SORCS1: variants seen among roughly 807,000 people sequenced by gnomAD.
SORCS1 encodes the protein VPS10 domain-containing receptor SorCS1.
A neutral mutation model predicts 146.1 loss-of-function variants in SORCS1; 60 were observed. The observed-to-expected ratio is 0.41, with a 90% confidence interval of 0.33 to 0.51. The LOEUF is 0.51. SORCS1 is among the 20% of genes least tolerant of loss of function. SORCS1 has a pLI of 0.21. For missense variants in SORCS1, 1,352 were observed against 1,487.6 expected, an observed-to-expected ratio of 0.91 and a Z score of 1.50; for synonymous variants, 637 against 584.0, an observed-to-expected ratio of 1.09 and a Z score of -1.31.
intron 2 of SORCS1, among the ~76,000 whole-genome samples, chr10:106,914,277 A>G (rs1056483871): frequency 6.6e-6 from 1 of 152,176 alleles, no homozygotes; most frequent in Non-Finnish European, 1.5e-5. Flanking sequence ...TGGGACAGTA[A>G]TAAACTAAAA....
intron 1 of SORCS1, among the ~76,000 whole-genome samples, chr10:107,107,463 G>C (rs183502261): frequency 2.6e-5 from 4 of 152,320 alleles, no homozygotes; most frequent in Admixed American, 2.6e-4. Context: ...TGTGAGCAAG[G>C]CAATCGGATA....
chr10:106,889,621 C>T (rs530160270), intron 2 of SORCS1, among the ~76,000 whole-genome samples: 3 of 152,010 alleles, frequency 2.0e-5, no homozygotes, highest in Admixed American at 1.3e-4. Context: ...AAAAATTAGC[C>T]GGGCACAGTG....
intron 24 of SORCS1, among the ~76,000 whole-genome samples, 180 bp from the exon 25 acceptor site, chr10:106,579,654 A>G (rs1438568292): frequency 6.8e-6 from 1 of 146,992 alleles, no homozygotes; most frequent in African/African-American, 2.5e-5. Flanking sequence ...CCCTACTCCC[A>G]CCCCAAATGT....
chr10:106,611,391 G>A (rs1056022362), intron 22 of SORCS1, among the ~76,000 whole-genome samples: 3 of 152,056 alleles, frequency 2.0e-5, no homozygotes, highest in Non-Finnish European at 4.4e-5. Flanking sequence ...TTACAGTACA[G>A]AAATTTCTTT....
At chr10:106,963,163 T>C (rs1955334525) in intron 1 of SORCS1, among the ~76,000 whole-genome samples, 1 of 143,496 alleles carries the variant, frequency 7.0e-6, no homozygotes. Context: ...TCGCCCAGGC[T>C]GGAGTGCAGT....
chr10:106,636,510 G>C (rs1848731954), intron 18 of SORCS1, among the ~76,000 whole-genome samples: 1 of 152,066 alleles, frequency 6.6e-6, no homozygotes, highest in Non-Finnish European at 1.5e-5. Flanking sequence ...GCTAGGGAAG[G>C]CCTCAGGAAA....
chr10:107,159,073 C>A (rs1469925653), intron 1 of SORCS1, among the ~76,000 whole-genome samples: 1 of 151,972 alleles, frequency 6.6e-6, no homozygotes, highest in South Asian at 2.1e-4. Flanking sequence ...TACAATAAAC[C>A]CAATAAACTA....
intron 1 of SORCS1, among the ~76,000 whole-genome samples, chr10:107,142,837 G>A: frequency 6.6e-6 from 1 of 152,328 alleles, no homozygotes; most frequent in South Asian, 2.1e-4. Context: ...ATAAGCCAGA[G>A]AACTAAAATT....
chr10:106,764,749 C>T (rs1389764770), intron 4 of SORCS1, among the ~76,000 whole-genome samples: 3 of 152,036 alleles, frequency 2.0e-5, no homozygotes, highest in East Asian at 1.9e-4. Context: ...CTTGGCCGGG[C>T]GCGGTGGCTC....
chr10:107,082,544 C>T (rs1025164566), intron 1 of SORCS1, among the ~76,000 whole-genome samples: 2 of 151,846 alleles, frequency 1.3e-5, no homozygotes, highest in African/African-American at 4.8e-5. Context: ...GTGGTGTGAT[C>T]TCAGCTCACT....
intron 3 of SORCS1, among the ~76,000 whole-genome samples, chr10:106,787,044 A>G (rs2136470976): frequency 6.6e-6 from 1 of 152,360 alleles, no homozygotes; most frequent in African/African-American, 2.4e-5. Context: ...TACATAAATT[A>G]CCCAGATTAA....
intron 2 of SORCS1, among the ~76,000 whole-genome samples, chr10:106,923,522 T>TTC (rs1952829220): frequency 6.6e-6 from 1 of 152,166 alleles, no homozygotes; most frequent in Non-Finnish European, 1.5e-5. Context: ...TATGTTTAGT[T>TTC]TTATAAGAAA....
At chr10:106,887,938 T>G (rs572166897) in intron 2 of SORCS1, among the ~76,000 whole-genome samples, 1 of 152,206 alleles carries the variant, frequency 6.6e-6, no homozygotes, top group African/African-American at 2.4e-5. Flanking sequence ...GCAAACTGCA[T>G]GCTCACCTGA....
At chr10:106,949,229 TTTATTA>T (rs201810965) in intron 2 of SORCS1, among the ~76,000 whole-genome samples, 2,110 of 152,212 alleles carry the variant, frequency 0.014, 22 homozygotes, top group Non-Finnish European at 0.021. Context: ...ACACTCTGGT[TTTATTA>T]TTATTATTTT....
chr10:107,116,421 A>T (rs1264962062), intron 1 of SORCS1, among the ~76,000 whole-genome samples: 11 of 152,124 alleles, frequency 7.2e-5, no homozygotes, highest in Admixed American at 7.2e-4. Flanking sequence ...ACATACATAT[A>T]TAATGTATTA....
chr10:106,911,356 T>C (rs763394384), intron 2 of SORCS1, among the ~76,000 whole-genome samples: 15 of 152,212 alleles, frequency 9.9e-5, no homozygotes, highest in Non-Finnish European at 1.8e-4. Flanking sequence ...CCTTCTGTAG[T>C]AGCAGGGGGG....
intron 2 of SORCS1, among the ~76,000 whole-genome samples, chr10:106,861,500 A>C (rs572013936): frequency 2.0e-5 from 3 of 152,286 alleles, no homozygotes; most frequent in African/African-American, 7.2e-5. Flanking sequence ...AAACATACAT[A>C]TGCAAATTAT....
intron 17 of SORCS1, among the ~76,000 whole-genome samples, chr10:106,653,638 G>A (rs756027868): frequency 5.3e-5 from 8 of 152,108 alleles, no homozygotes; most frequent in South Asian, 2.1e-4. Flanking sequence ...TTTCCAATGC[G>A]TTTAAGTCTA....
At chr10:106,777,572 T>A (rs570761358) in intron 3 of SORCS1, among the ~76,000 whole-genome samples, 1 of 152,314 alleles carries the variant, frequency 6.6e-6, no homozygotes, top group African/African-American at 2.4e-5. Context: ...CTCTGCACAG[T>A]CTGCACCACA....
Sources: allele counts gnomAD v4.1 joint callset (sites outside exome capture counted in the v4.1 genomes callset), GRCh38; gene constraint gnomAD v4.1.1; transcripts MANE v1.5; gene names NCBI Gene and HGNC (gene_info 2026-07-23, HGNC 2026-07-21).